Variants in CEP120 observed in about 807,000 individuals in gnomAD.
The protein encoded by CEP120 is centrosomal protein of 120 kDa.
A neutral mutation model predicts 126.5 loss-of-function variants in CEP120; 113 were observed. The ratio of observed to expected loss-of-function variants is 0.89; its 90% CI spans 0.77 to 1.04. CEP120 has a LOEUF of 1.04. Ranked by LOEUF, CEP120 falls within the 50% of genes least tolerant of loss-of-function variation. The pLI is 0.00. For missense variants in CEP120, 1,230 were observed against 1,155.7 expected (o/e 1.06, Z -0.93); for synonymous variants, 400 against 394.3 (o/e 1.01, Z -0.17).
chr5:123,370,745 TTATAA>T lies in CEP120; in HGVS notation c.2481+1900_2481+1904del, dbSNP rs1164559102. Among the ~76,000 whole-genome samples, 5 of 146,186 alleles carry T rather than the reference TTATAA, an allele frequency of 3.4e-5. No homozygotes were observed. The East Asian group carries it at 9.8e-4, about 29-fold the overall frequency. Reference sequence around the variant, plus strand: ...CATACACACATATATAATGTATGTATTATAATATATATTTTATATATATATTATAT... The same window carrying T: ...CATACACACATATATAATGTATGTATTATATATTTTATATATATATTATAT... On this transcript the variant is annotated intron_variant, in intron 17 of 19. Coordinates refer to ENST00000306467, the MANE Select transcript of CEP120 (RefSeq NM_001375405.1).
At chr5:123,393,197 G>T in intron 6 of CEP120, 103 bp downstream of exon 6, 2 of 1,036,484 alleles carry the variant, frequency 1.9e-6, no homozygotes, top group Non-Finnish European at 2.9e-6. Context: ...CTGTACTACT[G>T]AAATAGGATT....
intron 2 of CEP120, among the ~76,000 whole-genome samples, chr5:123,417,177 C>T (rs1774438303): frequency 6.6e-6 from 1 of 152,128 alleles, no homozygotes; most frequent in Non-Finnish European, 1.5e-5. Flanking sequence ...AGCAGGACTC[C>T]ATTATAGACA....
intron 5 of CEP120, among the ~76,000 whole-genome samples, chr5:123,397,706 A>T (rs1772879399): frequency 6.6e-6 from 1 of 152,222 alleles, no homozygotes; most frequent in African/African-American, 2.4e-5. Flanking sequence ...TACCTGATGT[A>T]CCTTGCAAGT....
intron 1 of CEP120, among the ~76,000 whole-genome samples, chr5:123,420,794 C>T (rs868689276): frequency 1.3e-5 from 2 of 152,278 alleles, no homozygotes; most frequent in Non-Finnish European, 1.5e-5. Context: ...ACAATGTAAA[C>T]TCATTCATTC....
chr5:123,376,502 A>C (rs745963265), intron 16 of CEP120, among the ~76,000 whole-genome samples: 1 of 152,130 alleles, frequency 6.6e-6, no homozygotes, highest in Non-Finnish European at 1.5e-5. Flanking sequence ...TCCTATGAGC[A>C]ACAAGACAAT....
chr5:123,401,044 C>A, intron 4 of CEP120: 1 of 1,565,590 alleles, frequency 6.4e-7, no homozygotes, highest in Non-Finnish European at 8.7e-7. Context: ...TAGCTGAGGC[C>A]GGGGCTTGTG....
Position 123,350,106 on chromosome 5 carries a change from A to G in CEP120, c.2581-17T>C. 1 of 1,599,146 alleles carries G rather than the reference A, an allele frequency of 6.3e-7. No individual in the cohort carries two copies. The highest frequency in any genetic ancestry group is 8.5e-7 in the Non-Finnish European group (1 of 1,173,704). On this transcript the variant is annotated splice_polypyrimidine_tract_variant and intron_variant, in intron 18 of 19. Coordinates refer to ENST00000306467, the MANE Select transcript of CEP120 (RefSeq NM_001375405.1). ...TTGCTCCCTCTTGAAAGAAACAAAG[A>G]AACAAGTCATATCCTTAATATTAGG...
intron 6 of CEP120, among the ~76,000 whole-genome samples, chr5:123,392,547 G>A (rs770528327): frequency 6.6e-6 from 1 of 152,148 alleles, no homozygotes. Flanking sequence ...GTCTTGCTCT[G>A]CTGCCCAAGC....
chr5:123,416,413 CA>C (rs960817330), intron 2 of CEP120, among the ~76,000 whole-genome samples: 19 of 148,824 alleles, frequency 1.3e-4, no homozygotes, highest in African/African-American at 4.4e-4. Context: ...TTAAAAAAAA[CA>C]AAAAAAAATA....
intron 14 of CEP120, among the ~76,000 whole-genome samples, chr5:123,379,050 G>A (rs547428089): frequency 6.6e-6 from 1 of 151,974 alleles, no homozygotes; most frequent in Non-Finnish European, 1.5e-5. Flanking sequence ...AAAAAATATA[G>A]TCAAAGAAGC....
chr5:123,389,534 CTT>C (rs1342444410), intron 8 of CEP120, among the ~76,000 whole-genome samples: 1 of 152,166 alleles, frequency 6.6e-6, no homozygotes, highest in Non-Finnish European at 1.5e-5. Flanking sequence ...GAGTTCCGCT[CTT>C]GTTGCCCAGG....
At chr5:123,410,019 T>C (rs1216810842) in intron 4 of CEP120, among the ~76,000 whole-genome samples, 3 of 97,932 alleles carry the variant, frequency 3.1e-5, no homozygotes, top group South Asian at 6.9e-4. Flanking sequence ...CACACACAAG[T>C]GATTATAGCA....
chr5:123,357,153 T>TATC (rs2126984089), intron 18 of CEP120, among the ~76,000 whole-genome samples: 1 of 152,298 alleles, frequency 6.6e-6, no homozygotes, highest in South Asian at 2.1e-4. Flanking sequence ...CTGTCAGTCT[T>TATC]ATCATTGCTC....
rs887493053 is a variant in CEP120 at position 123,409,852 on chromosome 5, G to A, written c.463+2547C>T. On this transcript the variant is annotated intron_variant, in intron 4 of 19. Transcript: ENST00000306467. ...TATACCTGTAGTCCCAGCTACTCAGGAGGCTGAGGCAGGAGAATCGCTTGA... is the reference window on the plus strand; with the variant it reads ...TATACCTGTAGTCCCAGCTACTCAGAAGGCTGAGGCAGGAGAATCGCTTGA... 2.0e-5 allele frequency among the ~76,000 whole-genome samples: 3 copies of A among 151,762 alleles called. No individual in the cohort carries two copies. In the South Asian group the frequency reaches 6.2e-4, roughly 32 times the overall value.
intron 4 of CEP120, among the ~76,000 whole-genome samples, chr5:123,409,990 A>AC (rs1482499097): frequency 0.2 from 19,143 of 95,472 alleles, 1,388 homozygotes; most frequent in Non-Finnish European, 0.25. Context: ...AAAAAAAAAA[A>AC]ACCACACACA....
At chr5:123,421,963 G>A (rs1327818639) in intron 1 of CEP120, among the ~76,000 whole-genome samples, 10 of 152,044 alleles carry the variant, frequency 6.6e-5, no homozygotes, top group Admixed American at 5.2e-4. Context: ...TCTCCCATGG[G>A]GGAAAAAATG....
Position 123,377,487 on chromosome 5 carries a change from G to T in CEP120, c.2245C>A (p.Gln749Lys), listed in dbSNP as rs1257259611. Residue 749 changes from glutamine to lysine, a missense_variant, in exon 16 of 20, where the codon CAA becomes AAA. Coordinates refer to ENST00000306467, the MANE Select transcript of CEP120 (RefSeq NM_001375405.1). ...ELQSERQRNL[Q>K]ELQDSIRRAK... ...CTACGGATAGAGTCCTGCAGTTCTT[G>T]CAGGTTCCGCTGACGTTCTGATTGC... is the stretch of plus-strand genomic sequence containing the variant. 1.2e-6 allele frequency: 2 copies of T among 1,601,206 alleles called. No individual in the cohort carries two copies. Among genetic ancestry groups the T allele is most frequent in the Non-Finnish European group, 1.7e-6 (2 of 1,177,094 alleles).
intron 5 of CEP120, among the ~76,000 whole-genome samples, chr5:123,395,782 C>T (rs187443419): frequency 6.6e-6 from 1 of 151,322 alleles, no homozygotes; most frequent in East Asian, 2.0e-4. Flanking sequence ...CCTGGGTTCA[C>T]GCCATTCTCC....
chr5:123,346,891 T>C (rs1580616041), intron 19 of CEP120, 138 bp from the exon 20 acceptor site: 1 of 611,824 alleles, frequency 1.6e-6, no homozygotes, highest in Non-Finnish European at 2.6e-6. Context: ...AAAAAACCAG[T>C]GTTCCACTTG....
Sources: allele counts gnomAD v4.1 joint callset (sites outside exome capture counted in the v4.1 genomes callset), GRCh38; gene constraint gnomAD v4.1.1; transcripts MANE v1.5; gene names NCBI Gene and HGNC (gene_info 2026-07-23, HGNC 2026-07-21).